Variants in SHANK2 observed in about 807,000 individuals in gnomAD.
The protein encoded by SHANK2 is SH3 and multiple ankyrin repeat domains protein 2.
Under a neutral mutation model 133.7 loss-of-function variants are expected in SHANK2, and 43 were observed. The ratio of observed to expected loss-of-function variants is 0.32; its 90% CI spans 0.25 to 0.41. The LOEUF (loss-of-function observed/expected upper bound fraction) is 0.41. Among genes scored for constraint, SHANK2 ranks in the 10% least tolerant of loss-of-function variants. The pLI is 1.00. For missense variants in SHANK2, 1,994 were observed against 2,235.8 expected (o/e 0.89, Z 2.18); for synonymous variants, 1,017 against 952.8 (o/e 1.07, Z -1.24).
Position 70,906,648 on chromosome 11 carries a change from C to T in SHANK2, c.1108-10081G>A, listed in dbSNP as rs1222866450. Among the ~76,000 whole-genome samples the T allele has an allele frequency of 3.3e-5, 5 of 152,196 alleles. No homozygotes were observed. In the South Asian group the frequency reaches 6.2e-4, roughly 19 times the overall value. On this transcript the variant is annotated intron_variant, in intron 10 of 25. Coordinates refer to ENST00000601538, the MANE Select transcript of SHANK2 (RefSeq NM_012309.5). The stretch of plus-strand genomic sequence containing the variant: ...AGAAACCGAGCACTTGGGATGTCCC[C>T]GTCTTTGTTTCCTTCCAGATAATGG...
intron 2 of SHANK2, among the ~76,000 whole-genome samples, chr11:71,185,327 C>A (rs1186317592): frequency 1.3e-5 from 2 of 152,242 alleles, no homozygotes; most frequent in Non-Finnish European, 2.9e-5. Context: ...ACCCTCCCTA[C>A]TCTCCACCCT....
At chr11:70,834,174 G>A (rs565852805) in intron 11 of SHANK2, among the ~76,000 whole-genome samples, 1 of 152,364 alleles carries the variant, frequency 6.6e-6, no homozygotes, top group African/African-American at 2.4e-5. Context: ...CCATATTTCA[G>A]GGGGAGACGC....
chr11:70,492,211 G>T, intron 22 of SHANK2, 124 bp downstream of exon 22: 1 of 1,415,190 alleles, frequency 7.1e-7, no homozygotes, highest in Non-Finnish European at 9.8e-7. Flanking sequence ...TTAGATTTGG[G>T]CCCCACCTCT....
intron 9 of SHANK2, among the ~76,000 whole-genome samples, chr11:71,065,887 A>G (rs1287270360): frequency 0.12 from 1,055 of 8,628 alleles, 2 homozygotes; most frequent in African/African-American, 0.16. Flanking sequence ...GTTGGGGGGG[A>G]TACAGAACTC....
chr11:70,522,471 G>A (rs567305887), intron 17 of SHANK2, among the ~76,000 whole-genome samples: 143 of 152,326 alleles, frequency 9.4e-4, no homozygotes, highest in Non-Finnish European at 2.0e-3. Context: ...CACGTGCAGG[G>A]TTCTCATTAA....
chr11:70,473,498 G>A lies in SHANK2; in HGVS notation c.4980-59C>T. On this transcript the variant is annotated intron_variant, in intron 25 of 25. Transcript: ENST00000601538. The surrounding 1 kb of genome is among the most constrained non-coding windows in gnomAD (Gnocchi z 5.9). ...GCAGGTCACCGAGTCAGGGCAGCTG[G>A]CTGCAGATCACCCAGGAAGGCGAGG... 2 of 1,557,900 alleles carry A rather than the reference G, an allele frequency of 1.3e-6. No homozygotes were observed.
At chr11:70,742,342 G>T (rs150579857) in intron 14 of SHANK2, among the ~76,000 whole-genome samples, 17 of 152,254 alleles carry the variant, frequency 1.1e-4, no homozygotes, top group African/African-American at 3.9e-4. Context: ...GGTTTCTACC[G>T]ACTGCTCTTG....
At chr11:70,837,738 G>T (rs1368668165) in intron 11 of SHANK2, among the ~76,000 whole-genome samples, 1 of 151,980 alleles carries the variant, frequency 6.6e-6, no homozygotes, top group Non-Finnish European at 1.5e-5. Context: ...ACTTTGGGAG[G>T]CTGAGGCAGG....
At chr11:70,837,630 T>C (rs2135418464) in intron 11 of SHANK2, among the ~76,000 whole-genome samples, 1 of 152,222 alleles carries the variant, frequency 6.6e-6, no homozygotes, top group East Asian at 1.9e-4. Context: ...ACAAGTGCAG[T>C]CTGTCTTAAT....
intron 4 of SHANK2, among the ~76,000 whole-genome samples, chr11:71,114,143 C>T (rs572397056): frequency 6.6e-6 from 1 of 152,312 alleles, no homozygotes; most frequent in Admixed American, 6.5e-5. Flanking sequence ...ACAGAGTTAA[C>T]TCAGGGCTGG....
intron 17 of SHANK2, among the ~76,000 whole-genome samples, chr11:70,658,344 C>A (rs2061438721): frequency 6.6e-6 from 1 of 151,000 alleles, no homozygotes; most frequent in Admixed American, 6.6e-5. Context: ...ATCCCAACTG[C>A]ATCCTACAGA....
rs138912275 is a variant in SHANK2, at chr11:71,103,894, C to T, written c.592+6047G>A. Among the ~76,000 whole-genome samples, 720 of 130,106 alleles carry T rather than the reference C, an allele frequency of 5.5e-3. 3 individuals are homozygous for T. The highest frequency in any genetic ancestry group is 0.037 in the South Asian group (123 of 3,362). 85.4% of individuals were successfully genotyped at this position (130,106 alleles called of 152,430 possible). On this transcript the variant is annotated intron_variant, in intron 6 of 25. Coordinates refer to ENST00000601538, the MANE Select transcript of SHANK2 (RefSeq NM_012309.5). ...TCCCCCCCTCTTTCTCTCTCTCTCTCCTGCTTTCACCACGGGATGCACCTG... is the reference window on the plus strand; with the variant it reads ...TCCCCCCCTCTTTCTCTCTCTCTCTTCTGCTTTCACCACGGGATGCACCTG...
At chr11:70,756,753 C>CGTTGAACATA (rs1565295588) in intron 14 of SHANK2, among the ~76,000 whole-genome samples, 1 of 152,206 alleles carries the variant, frequency 6.6e-6, no homozygotes, top group African/African-American at 2.4e-5. Flanking sequence ...GGCCACGCAG[C>CGTTGAACATA]GTTGAACATA....
chr11:70,579,288 A>G (rs1418687355), intron 17 of SHANK2, among the ~76,000 whole-genome samples: 2 of 152,178 alleles, frequency 1.3e-5, no homozygotes, highest in African/African-American at 4.8e-5. Flanking sequence ...TAGCAACTAC[A>G]TGAAACACAG....
chr11:71,219,004 A>C (rs1204734816), intron 2 of SHANK2, among the ~76,000 whole-genome samples: 1 of 152,208 alleles, frequency 6.6e-6, no homozygotes, highest in Non-Finnish European at 1.5e-5. Context: ...GACATCGCAG[A>C]AGAATGTAAC....
chr11:71,105,321 G>C (rs560930681), intron 6 of SHANK2, among the ~76,000 whole-genome samples: 1 of 152,172 alleles, frequency 6.6e-6, no homozygotes, highest in East Asian at 1.9e-4. Flanking sequence ...GGTTGAGTGC[G>C]GTGGCTCACA....
intron 17 of SHANK2, among the ~76,000 whole-genome samples, chr11:70,576,233 C>T (rs953581155): frequency 3.3e-5 from 5 of 152,106 alleles, no homozygotes; most frequent in African/African-American, 1.2e-4. Context: ...GGTACAGACA[C>T]GGAAGCTGCA....
At chr11:70,663,866 T>C (rs1296165308) in intron 15 of SHANK2, among the ~76,000 whole-genome samples, 3 of 152,172 alleles carry the variant, frequency 2.0e-5, no homozygotes, top group Admixed American at 6.5e-5. Context: ...CACATGGTTA[T>C]TGTGACCTTT....
chr11:71,077,893 G>T (rs1022149687), intron 8 of SHANK2, among the ~76,000 whole-genome samples: 19 of 152,096 alleles, frequency 1.2e-4, no homozygotes, highest in African/African-American at 4.6e-4. Context: ...CTTGGAATGG[G>T]AGTATCAGTA....
Sources: gnomAD v4.1 joint callset for allele counts (sites outside exome capture counted in the v4.1 genomes callset) on GRCh38, gnomAD v4.1.1 for gene constraint, Gnocchi (gnomAD v3.1) non-coding constraint, MANE v1.5 for transcripts, NCBI Gene and HGNC (gene_info 2026-07-23, HGNC 2026-07-21) for gene names.